Variants in DCDC1 observed in about 807,000 individuals in gnomAD.
The protein encoded by DCDC1 is doublecortin domain-containing protein 1.
A neutral mutation model predicts 178.3 loss-of-function variants in DCDC1; 200 were observed. The ratio of observed to expected loss-of-function variants is 1.12; its 90% CI spans 1.00 to 1.26. The LOEUF (loss-of-function observed/expected upper bound fraction) is 1.26, where lower values mean the gene tolerates loss of function less well. Ranked by LOEUF, DCDC1 falls within the 50% of genes most tolerant of loss-of-function variation. The pLI is 0.00. For synonymous variants in DCDC1, 690 were observed against 604.8 expected, an observed-to-expected ratio of 1.14 and a Z score of -2.07; for missense variants, 1,983 against 1,749.2, an observed-to-expected ratio of 1.13 and a Z score of -2.38.
At chr11:30,983,480 T>C (rs1024677922) in intron 20 of DCDC1, among the ~76,000 whole-genome samples, 10 of 152,242 alleles carry the variant, frequency 6.6e-5, no homozygotes, top group Non-Finnish European at 1.5e-5. Flanking sequence ...TAAATTCATA[T>C]AACTTTTACA....
intron 1 of DCDC1, among the ~76,000 whole-genome samples, chr11:31,338,652 T>C (rs989497803): frequency 6.6e-6 from 1 of 152,174 alleles, no homozygotes; most frequent in Non-Finnish European, 1.5e-5. Context: ...AGAAGTGGCA[T>C]ATGTGATTTC....
chr11:31,176,892 A>G (rs535085961), intron 9 of DCDC1, among the ~76,000 whole-genome samples: 2 of 152,338 alleles, frequency 1.3e-5, no homozygotes, highest in South Asian at 4.1e-4. Flanking sequence ...CTTACAAGAA[A>G]TACTTAAGGG....
chr11:31,259,557 T>G (rs1187492494), intron 8 of DCDC1, among the ~76,000 whole-genome samples: 1 of 152,184 alleles, frequency 6.6e-6, no homozygotes, highest in Non-Finnish European at 1.5e-5. Context: ...TCAGAGAAGC[T>G]AAATAATCTG....
intron 1 of DCDC1, among the ~76,000 whole-genome samples, chr11:31,365,545 C>A (rs933527693): frequency 6.6e-6 from 1 of 152,034 alleles, no homozygotes; most frequent in African/African-American, 2.4e-5. Flanking sequence ...ATATAGATTT[C>A]CATTATTATC....
intron 3 of DCDC1, 83 bp downstream of exon 3, chr11:31,328,034 C>G: frequency 7.2e-7 from 1 of 1,398,532 alleles, no homozygotes; most frequent in Non-Finnish European, 9.4e-7. Flanking sequence ...CCGGCCAAGA[C>G]TGATTGAAAA....
intron 20 of DCDC1, among the ~76,000 whole-genome samples, chr11:31,030,766 A>T (rs1953571329): frequency 6.6e-6 from 1 of 152,166 alleles, no homozygotes; most frequent in Admixed American, 6.5e-5. Flanking sequence ...TTTAACTTCC[A>T]TCAAGCTCAC....
At position 31,352,144 on chromosome 11, in the gene DCDC1, A is replaced by C. The variant is rs934407777; in HGVS notation, c.-124-16580T>G. Among the ~76,000 whole-genome samples, 9 of 152,246 alleles carry C rather than the reference A, an allele frequency of 5.9e-5. 1 individual carries two copies. The highest frequency in any genetic ancestry group is 6.5e-5 in the Admixed American group (1 of 15,286). On this transcript the variant is annotated intron_variant, in intron 1 of 38. Coordinates refer to ENST00000684477, the MANE Select transcript of DCDC1 (RefSeq NM_001387274.1). ...TGGGGTGAAATTTAAAACTTTGTAA[A>C]GATCACCATCTAGGCAGAGTGACAA...
intron 20 of DCDC1, among the ~76,000 whole-genome samples, chr11:31,036,896 A>C (rs1224652929): frequency 2.0e-5 from 3 of 152,240 alleles, no homozygotes; most frequent in Non-Finnish European, 4.4e-5. Context: ...AAACTATTAC[A>C]TGATAAACTA....
At chr11:31,196,771 C>A (rs553693360) in intron 9 of DCDC1, among the ~76,000 whole-genome samples, 1 of 152,140 alleles carries the variant, frequency 6.6e-6, no homozygotes, top group Non-Finnish European at 1.5e-5. Flanking sequence ...ATGTTGGATC[C>A]ACTGCATTGG....
At chr11:31,046,021 C>A (rs1954814989) in intron 20 of DCDC1, among the ~76,000 whole-genome samples, 1 of 152,094 alleles carries the variant, frequency 6.6e-6, no homozygotes, top group Non-Finnish European at 1.5e-5. Flanking sequence ...TGTGTGTTTG[C>A]ATGTGTGTGT....
At chr11:31,259,910 G>T (rs897133256) in intron 8 of DCDC1, among the ~76,000 whole-genome samples, 2 of 152,144 alleles carry the variant, frequency 1.3e-5, no homozygotes, top group African/African-American at 4.8e-5. Flanking sequence ...CAAACATAGG[G>T]TCCTGGAAAC....
intron 21 of DCDC1, among the ~76,000 whole-genome samples, chr11:30,947,523 A>C (rs1183204716): frequency 6.6e-6 from 1 of 152,174 alleles, no homozygotes; most frequent in Non-Finnish European, 1.5e-5. Context: ...CAGAAGAATG[A>C]AACTAGACCC....
At chr11:31,018,429 C>G (rs1356191958) in intron 20 of DCDC1, among the ~76,000 whole-genome samples, 1 of 152,152 alleles carries the variant, frequency 6.6e-6, no homozygotes, top group African/African-American at 2.4e-5. Flanking sequence ...TATCTCAGAT[C>G]CAGTGAACAT....
chr11:31,067,978 A>G (rs1456376739), intron 18 of DCDC1, among the ~76,000 whole-genome samples: 1 of 152,152 alleles, frequency 6.6e-6, no homozygotes, highest in Admixed American at 6.6e-5. Context: ...ATACTGAAAA[A>G]CATTAAACAC....
chr11:31,343,835 G>A (rs929534016), intron 1 of DCDC1, among the ~76,000 whole-genome samples: 1 of 151,986 alleles, frequency 6.6e-6, no homozygotes. Flanking sequence ...GAGGAGAATC[G>A]CTTGAACCCA....
chr11:30,900,812 G>A (rs1441290095), intron 32 of DCDC1, among the ~76,000 whole-genome samples: 2 of 151,992 alleles, frequency 1.3e-5, no homozygotes, highest in Non-Finnish European at 2.9e-5. Flanking sequence ...ATCAAGCACA[G>A]GGGAAAGGAG....
intron 20 of DCDC1, among the ~76,000 whole-genome samples, chr11:30,976,397 T>C (rs569441651): frequency 2.6e-5 from 4 of 151,972 alleles, no homozygotes; most frequent in Non-Finnish European, 5.9e-5. Flanking sequence ...AAAAAGAGTA[T>C]CTGTTGAATG....
At chr11:31,038,579 G>A (rs1217942902) in intron 20 of DCDC1, among the ~76,000 whole-genome samples, 2 of 152,256 alleles carry the variant, frequency 1.3e-5, no homozygotes, top group African/African-American at 2.4e-5. Context: ...AAATACATTA[G>A]AGGTCAATTC....
chr11:30,875,106 A>G (rs1251312037), intron 38 of DCDC1, among the ~76,000 whole-genome samples: 1 of 152,238 alleles, frequency 6.6e-6, no homozygotes, highest in Non-Finnish European at 1.5e-5. Context: ...TCGTAGAATT[A>G]GAAAATGTTA....
Sources: allele counts gnomAD v4.1 joint callset (sites outside exome capture counted in the v4.1 genomes callset), GRCh38; gene constraint gnomAD v4.1.1; transcripts MANE v1.5; gene names NCBI Gene and HGNC (gene_info 2026-07-23, HGNC 2026-07-21).